The following SLC47A2 variants were observed in gnomAD, a reference collection of about 807,000 sequenced individuals.
The protein encoded by SLC47A2 is multidrug and toxin extrusion protein 2.
SLC47A2 carries 52 observed loss-of-function variants against 67.7 expected under a neutral mutation model. The ratio of observed to expected loss-of-function variants is 0.77; its 90% CI spans 0.61 to 0.97. The LOEUF (loss-of-function observed/expected upper bound fraction) is 0.97, where lower values mean the gene tolerates loss of function less well. Ranked by LOEUF, SLC47A2 falls within the 50% of genes least tolerant of loss-of-function variation. SLC47A2 has a pLI of 0.00. For synonymous variants in SLC47A2, 278 were observed against 292.9 expected (o/e 0.95, Z 0.52); for missense variants, 676 against 712.3 (o/e 0.95, Z 0.58).
intron 9 of SLC47A2, among the ~76,000 whole-genome samples, chr17:19,706,014 G>T (rs1241418845): frequency 6.6e-6 from 1 of 152,156 alleles, no homozygotes; most frequent in Non-Finnish European, 1.5e-5. Flanking sequence ...TTCCCTGTGT[G>T]GTCTGTCTTT....
At chr17:19,680,999 G>A (rs2085299754) in intron 15 of SLC47A2, among the ~76,000 whole-genome samples, 1 of 152,098 alleles carries the variant, frequency 6.6e-6, no homozygotes. Context: ...GGATCACGAG[G>A]TCAGGAGATC....
At chr17:19,682,112 TC>T (rs1198247341) in intron 13 of SLC47A2, among the ~76,000 whole-genome samples, 2 of 152,138 alleles carry the variant, frequency 1.3e-5, no homozygotes, top group African/African-American at 4.8e-5. Context: ...ATGCCTGTAA[TC>T]CCAGCACTTT....
rs750868661 is a variant in SLC47A2 at position 19,715,135 on chromosome 17, G to A, written c.206C>T (p.Ser69Leu). The A allele has an allele frequency of 1.8e-5, 29 of 1,612,374 alleles. No homozygotes were observed. The highest frequency in any genetic ancestry group is 6.7e-5 in the East Asian group (3 of 44,886). Residue 69 changes from serine to leucine, a missense_variant, in exon 2 of 17, where the codon TCG becomes TTG. Physicochemically the swap from Ser to Leu is moderately radical, Grantham distance 145. Transcript: ENST00000433844. The part of the protein sequence containing the change: ...CGHLGKVELA[S>L]VTLAVAFVNV... ...ACTCACGGCCACCGCGAGGGTCACCGATGCCAGCTCCACCTTGCCCAGGTG... is the reference window on the plus strand; with the variant it reads ...ACTCACGGCCACCGCGAGGGTCACCAATGCCAGCTCCACCTTGCCCAGGTG...
intron 13 of SLC47A2, among the ~76,000 whole-genome samples, chr17:19,682,364 CAA>C (rs1491527423): frequency 0.013 from 1,971 of 146,864 alleles, 23 homozygotes; most frequent in African/African-American, 0.032. Flanking sequence ...CACACACACA[CAA>C]ATTTATTATT....
chr17:19,705,471 C>T lies in SLC47A2; in HGVS notation c.874G>A (p.Ala292Thr). The change falls in exon 10 of 17, where the codon GCT becomes ACT. Residue 292 changes from alanine (A) to threonine (T), a missense_variant. Ala to Thr is a moderately conservative substitution (Grantham distance 58, BLOSUM62 0). Transcript: ENST00000433844. ...ACAGTGGCCACCTCGTAGATGACAG[C>T]CTGGGCAGAGAGATCCACCACACTG... is the stretch of plus-strand genomic sequence containing the variant. ...LLSVVDLSAQ[A>T]VIYEVATVTY... is the part of the protein sequence containing the mutation. The T allele has an allele frequency of 6.2e-7, 1 of 1,611,922 alleles. No homozygotes were observed. The highest frequency in any genetic ancestry group is 1.3e-5 in the African/African-American group (1 of 74,980).
chr17:19,707,068 C>T (rs988313559), intron 8 of SLC47A2, among the ~76,000 whole-genome samples: 1 of 152,118 alleles, frequency 6.6e-6, no homozygotes, highest in East Asian at 1.9e-4. Context: ...CCATTTCCAT[C>T]TGAAAACCCC....
intron 16 of SLC47A2, among the ~76,000 whole-genome samples, 174 bp downstream of exon 16, chr17:19,679,778 C>T (rs1335876840): frequency 6.6e-6 from 1 of 151,966 alleles, no homozygotes; most frequent in African/African-American, 2.4e-5. Context: ...GCCTGCTAGA[C>T]AATAGATGTT....
intron 10 of SLC47A2, 132 bp from the exon 11 acceptor site, chr17:19,704,310 G>C (rs1597622505): frequency 7.1e-6 from 5 of 706,540 alleles, no homozygotes; most frequent in African/African-American, 1.8e-5. Flanking sequence ...TAAGAGGCAC[G>C]TCACATTCTT....
At chr17:19,684,615 C>G (rs1360601981) in intron 13 of SLC47A2, among the ~76,000 whole-genome samples, 3 of 150,732 alleles carry the variant, frequency 2.0e-5, no homozygotes, top group African/African-American at 7.3e-5. Flanking sequence ...AATCCCAGCA[C>G]TTTGGGAGGC....
intron 2 of SLC47A2, 139 bp downstream of exon 2, chr17:19,714,977 A>T: frequency 8.0e-7 from 1 of 1,252,006 alleles, no homozygotes; most frequent in Non-Finnish European, 1.1e-6. Flanking sequence ...CTCAGGTTCC[A>T]CCTGTGAAGG....
intron 5 of SLC47A2, among the ~76,000 whole-genome samples, chr17:19,711,313 C>T (rs1464216214): frequency 6.6e-6 from 1 of 151,362 alleles, no homozygotes; most frequent in East Asian, 2.0e-4. Context: ...AAATGCAGGC[C>T]AGGCGTGGTG....
upstream of SLC47A2, chr17:19,716,706 G>A (rs934418473): frequency 3.4e-6 from 4 of 1,183,350 alleles, no homozygotes; most frequent in Non-Finnish European, 4.6e-6. Context: ...CAACTTGTGG[G>A]ATGAGCCCTG....
chr17:19,684,533 T>C (rs2085379055), intron 13 of SLC47A2, among the ~76,000 whole-genome samples: 1 of 151,916 alleles, frequency 6.6e-6, no homozygotes, highest in African/African-American at 2.4e-5. Flanking sequence ...AAGAACAAAC[T>C]ATACCTAAAT....
chr17:19,685,345 A>G lies in SLC47A2; in HGVS notation c.1165-3675T>C, dbSNP rs150482427. 0.023 allele frequency among the ~76,000 whole-genome samples: 3,453 copies of G among 150,442 alleles called. 68 individuals are homozygous for G. Among genetic ancestry groups the G allele is most frequent in the African/African-American group, 0.053 (2,151 of 40,804 alleles). On this transcript the variant is annotated intron_variant, in intron 13 of 16. Coordinates refer to ENST00000433844, the MANE Select transcript of SLC47A2 (RefSeq NM_001099646.3). This position sits in a 1 kb window ranked among gnomAD's most constrained non-coding sequence, Gnocchi z 4.5. The stretch of plus-strand genomic sequence containing the variant: ...AGGAGCCCCTGTGCCTGGCCACCCC[A>G]TCTGGGAAGTGAGGCGCGCCTCTGC...
chr17:19,708,341 G>GCCACACCGTTGACACAGTTGC lies in SLC47A2; in HGVS notation c.569_589dup (p.Gly190_Val196dup), dbSNP rs1567632853. Reference sequence around the variant, plus strand: ...CAGCACAGAAACCAGGGCATAGTTGGCCACACCGTTGACACAGTTGCCCAC... The same window carrying GCCACACCGTTGACACAGTTGC: ...CAGCACAGAAACCAGGGCATAGTTGGCCACACCGTTGACACAGTTGCCCACACCGTTGACACAGTTGCCCAC... On this transcript the variant is annotated inframe_insertion, in exon 7 of 17. Coordinates refer to ENST00000433844, the MANE Select transcript of SLC47A2 (RefSeq NM_001099646.3). 1.2e-6 allele frequency: 2 copies of GCCACACCGTTGACACAGTTGC among 1,613,604 alleles called. No individual in the cohort carries two copies. Among genetic ancestry groups the GCCACACCGTTGACACAGTTGC allele is most frequent in the African/African-American group, 2.7e-5 (2 of 75,020 alleles).
At chr17:19,711,692 T>G (rs1485255646) in intron 5 of SLC47A2, among the ~76,000 whole-genome samples, 4 of 150,754 alleles carry the variant, frequency 2.7e-5, no homozygotes, top group Admixed American at 6.6e-5. Flanking sequence ...TCTATGCTAG[T>G]GGAAGTTTTT....
At chr17:19,705,651 G>GT (rs2085914885) in intron 9 of SLC47A2, 148 bp from the exon 10 acceptor site, 1 of 687,942 alleles carries the variant, frequency 1.5e-6, no homozygotes, top group Non-Finnish European at 2.3e-6. Flanking sequence ...TTGAGCTGGA[G>GT]TGCAGTGGCG....
At chr17:19,689,693 T>C (rs1221745130) in intron 13 of SLC47A2, among the ~76,000 whole-genome samples, 2 of 142,374 alleles carry the variant, frequency 1.4e-5, no homozygotes, top group Non-Finnish European at 3.0e-5. Flanking sequence ...TGAGACCTTG[T>C]CTCAAAAAAA....
At chr17:19,701,167 C>CAAA (rs35086555) in intron 13 of SLC47A2, among the ~76,000 whole-genome samples, 47 of 64,880 alleles carry the variant, frequency 7.2e-4, no homozygotes, top group African/African-American at 1.8e-3. Context: ...GACTCTGTCT[C>CAAA]AAAAAAAAAA....
Sources: allele counts gnomAD v4.1 joint callset (sites outside exome capture counted in the v4.1 genomes callset), GRCh38; gene constraint gnomAD v4.1.1; non-coding constraint Gnocchi (gnomAD v3.1); transcripts MANE v1.5; gene names NCBI Gene and HGNC (gene_info 2026-07-23, HGNC 2026-07-21).